The following NCK2 variants were observed in gnomAD, a reference collection of about 807,000 sequenced individuals.
NCK2 encodes the protein cytoplasmic protein NCK2.
NCK2 carries 16 observed loss-of-function variants against 33.9 expected under a neutral mutation model. The observed-to-expected ratio is 0.47, with a 90% confidence interval of 0.32 to 0.72. NCK2 has a LOEUF of 0.72. NCK2 is among the 30% of genes least tolerant of loss of function. The pLI is 0.03. For missense variants in NCK2, 418 were observed against 537.3 expected (o/e 0.78, Z 2.19); for synonymous variants, 273 against 239.9 (o/e 1.14, Z -1.27).
intron 1 of NCK2, among the ~76,000 whole-genome samples, chr2:105,806,238 CTTTTTTTTTT>C (rs56141591): frequency 7.4e-6 from 1 of 135,970 alleles, no homozygotes; most frequent in Non-Finnish European, 1.5e-5. Context: ...CATTTTCTTT[CTTTTTTTTTT>C]TTTTTTTGAG....
chr2:105,856,851 C>T (rs1573210614), intron 3 of NCK2: 1 of 152,172 alleles, frequency 6.6e-6, no homozygotes, highest in Non-Finnish European at 1.5e-5. Flanking sequence ...TTGAAAGAAA[C>T]ACTGTTTTAT....
chr2:105,861,513 C>CTTT (rs35044148), intron 3 of NCK2, among the ~76,000 whole-genome samples: 2 of 114,494 alleles, frequency 1.7e-5, no homozygotes, highest in Admixed American at 1.9e-4. Context: ...AGGTTTTTCT[C>CTTT]TTTTTTTTTT....
chr2:105,803,387 CCTT>C (rs1325616714), intron 1 of NCK2, among the ~76,000 whole-genome samples: 1 of 152,150 alleles, frequency 6.6e-6, no homozygotes, highest in Non-Finnish European at 1.5e-5. Flanking sequence ...AGGCTGAGCT[CCTT>C]AAGAAGGGCC....
intron 1 of NCK2, among the ~76,000 whole-genome samples, chr2:105,777,022 T>C (rs1408556765): frequency 6.6e-6 from 1 of 151,686 alleles, no homozygotes; most frequent in African/African-American, 2.4e-5. Context: ...GATCAGAGAC[T>C]AAGAAAGCTG....
At chr2:105,832,878 T>A (rs887144406) in intron 2 of NCK2, among the ~76,000 whole-genome samples, 1 of 151,830 alleles carries the variant, frequency 6.6e-6, no homozygotes, top group East Asian at 1.9e-4. Context: ...CGTTTCGTTT[T>A]TGTTTCGTTT....
At chr2:105,874,573 A>G (rs957076073) in intron 3 of NCK2, among the ~76,000 whole-genome samples, 26 of 152,250 alleles carry the variant, frequency 1.7e-4, no homozygotes, top group Admixed American at 1.7e-3. Flanking sequence ...TGATTTTGCC[A>G]TAGAGCCCCC....
At chr2:105,868,235 T>C (rs1677839048) in intron 3 of NCK2, among the ~76,000 whole-genome samples, 1 of 152,236 alleles carries the variant, frequency 6.6e-6, no homozygotes. Context: ...CAGAAGTCTG[T>C]CCCTATGATC....
chr2:105,892,794 C>T (rs919468203), intron 4 of NCK2, among the ~76,000 whole-genome samples, 188 bp from the exon 5 acceptor site: 2 of 148,766 alleles, frequency 1.3e-5, no homozygotes, highest in Non-Finnish European at 3.0e-5. Context: ...TGCAGTGAGC[C>T]GAGATTGGGC....
chr2:105,893,092 C>T lies in NCK2; in HGVS notation c.1059C>T (p.Asp353=). 4 of 1,614,004 alleles carry T rather than the reference C, an allele frequency of 2.5e-6. No homozygotes were observed. The highest frequency in any genetic ancestry group is 2.2e-5 in the South Asian group (2 of 91,070). The change falls in exon 5 of 5, where the codon GAC becomes GAT. Residue 353 remains aspartate (D), a synonymous_variant. Transcript: ENST00000233154. Reference sequence around the variant, plus strand: ...GGCAGCGGCGCTTCCACACCATGGACGAGCTGGTGGAACACTACAAAAAGG... The same window carrying T: ...GGCAGCGGCGCTTCCACACCATGGATGAGCTGGTGGAACACTACAAAAAGG... ...CIGQRRFHTM[D]ELVEHYKKAP...
intron 3 of NCK2, among the ~76,000 whole-genome samples, chr2:105,858,404 C>T (rs1288154566): frequency 6.6e-6 from 1 of 152,120 alleles, no homozygotes. Flanking sequence ...GCATGCACTA[C>T]CACACCCAGC....
chr2:105,840,608 C>T (rs776308141), intron 2 of NCK2, among the ~76,000 whole-genome samples: 1 of 152,234 alleles, frequency 6.6e-6, no homozygotes. Flanking sequence ...CCTCCACCCC[C>T]ACTTCAGATG....
At chr2:105,882,937 C>A (rs1163185410) in intron 4 of NCK2, among the ~76,000 whole-genome samples, 1 of 152,148 alleles carries the variant, frequency 6.6e-6, no homozygotes, top group East Asian at 1.9e-4. Flanking sequence ...TATGTACTAC[C>A]TGCTGCCACT....
chr2:105,790,577 G>A (rs1297373109), intron 1 of NCK2, among the ~76,000 whole-genome samples: 1 of 152,190 alleles, frequency 6.6e-6, no homozygotes, highest in Non-Finnish European at 1.5e-5. Context: ...TGTGCCAGGT[G>A]TTGCTGCCTG....
At chr2:105,870,654 C>T (rs184885197) in intron 3 of NCK2, among the ~76,000 whole-genome samples, 34 of 152,174 alleles carry the variant, frequency 2.2e-4, no homozygotes, top group South Asian at 8.3e-4. Context: ...ACTTGGGAGA[C>T]GGAGGCACAA....
intron 1 of NCK2, among the ~76,000 whole-genome samples, chr2:105,780,325 TACACACACACACAC>T (rs57857814): frequency 2.4e-4 from 35 of 147,474 alleles, no homozygotes; most frequent in Admixed American, 1.1e-3. Flanking sequence ...GAGAGATATA[TACACACACACACAC>T]ACACACACAC....
intron 3 of NCK2, among the ~76,000 whole-genome samples, chr2:105,866,730 C>G (rs1677777906): frequency 6.6e-6 from 1 of 152,208 alleles, no homozygotes; most frequent in South Asian, 2.1e-4. Context: ...CACAGAGGTA[C>G]TGGTCTGTGG....
At chr2:105,789,046 G>A (rs921143922) in intron 1 of NCK2, among the ~76,000 whole-genome samples, 1 of 152,038 alleles carries the variant, frequency 6.6e-6, no homozygotes, top group Non-Finnish European at 1.5e-5. Context: ...CCCGATGCCC[G>A]CAGCCTCACT....
intron 2 of NCK2, among the ~76,000 whole-genome samples, chr2:105,822,318 G>T (rs1675772867): frequency 6.7e-6 from 1 of 150,284 alleles, no homozygotes; most frequent in Admixed American, 6.6e-5. Context: ...GTGGCTTCCA[G>T]CTCCACCCAT....
chr2:105,806,623 C>T (rs1356411445), intron 1 of NCK2, among the ~76,000 whole-genome samples: 1 of 152,114 alleles, frequency 6.6e-6, no homozygotes, highest in Non-Finnish European at 1.5e-5. Flanking sequence ...TTTTAAATTT[C>T]CTTTTTATTC....
Sources: gnomAD v4.1 joint callset for allele counts (sites outside exome capture counted in the v4.1 genomes callset) on GRCh38, gnomAD v4.1.1 for gene constraint, MANE v1.5 for transcripts, NCBI Gene and HGNC (gene_info 2026-07-23, HGNC 2026-07-21) for gene names.